Variants in KCNB2 observed in about 807,000 individuals in gnomAD.
The protein encoded by KCNB2 is delayed rectifier potassium channel protein.
A neutral mutation model predicts 61.5 loss-of-function variants in KCNB2; 15 were observed. The observed-to-expected ratio is 0.24, with a 90% CI of 0.16 to 0.38. The LOEUF (loss-of-function observed/expected upper bound fraction) is 0.38, where lower values mean the gene tolerates loss of function less well. KCNB2 is among the 10% of genes least tolerant of loss of function. The pLI is 1.00. For missense variants in KCNB2, 828 were observed against 1,125.2 expected, an observed-to-expected ratio of 0.74 and a Z score of 3.78; for synonymous variants, 457 against 446.0, an observed-to-expected ratio of 1.02 and a Z score of -0.31.
At chr8:72,754,298 C>G (rs1468251347) in intron 2 of KCNB2, among the ~76,000 whole-genome samples, 1 of 152,154 alleles carries the variant, frequency 6.6e-6, no homozygotes, top group Non-Finnish European at 1.5e-5. Flanking sequence ...TGAGTATGGA[C>G]AGAGAGAATG....
rs79719773 is a variant in KCNB2, at chr8:72,577,624, G to T, written c.579+9311G>T. Among the ~76,000 whole-genome samples the T allele has an allele frequency of 4.9e-3, 743 of 152,230 alleles. 5 individuals are homozygous for T. The highest frequency in any genetic ancestry group is 0.017 in the African/African-American group (709 of 41,524). ...TTGTTTCAGGATGCTAGAGGTCATT[G>T]CCACCCTAGATTTCACGCTTTAACT... On this transcript the variant is annotated intron_variant, in intron 2 of 2. Coordinates refer to ENST00000523207, the MANE Select transcript of KCNB2 (RefSeq NM_004770.3).
At chr8:72,921,194 T>C (rs2129008227) in intron 2 of KCNB2, among the ~76,000 whole-genome samples, 1 of 152,306 alleles carries the variant, frequency 6.6e-6, no homozygotes, top group East Asian at 1.9e-4. Context: ...GGAATATGGC[T>C]TAGTATACAC....
intron 2 of KCNB2, among the ~76,000 whole-genome samples, chr8:72,682,797 G>A (rs918830296): frequency 6.6e-6 from 1 of 151,952 alleles, no homozygotes; most frequent in Non-Finnish European, 1.5e-5. Flanking sequence ...GTAGAGATGG[G>A]GGTCTCACTA....
chr8:72,896,937 C>T (rs1247574841), intron 2 of KCNB2, among the ~76,000 whole-genome samples: 1 of 152,036 alleles, frequency 6.6e-6, no homozygotes, highest in Non-Finnish European at 1.5e-5. Context: ...TTTTGAATTG[C>T]TTTTTGTTGT....
chr8:72,627,700 G>A (rs1805811392), intron 2 of KCNB2, among the ~76,000 whole-genome samples: 1 of 152,104 alleles, frequency 6.6e-6, no homozygotes, highest in Non-Finnish European at 1.5e-5. Flanking sequence ...CATGTGCTTT[G>A]AGCCGCACCC....
At chr8:72,884,377 G>A (rs990749933) in intron 2 of KCNB2, among the ~76,000 whole-genome samples, 10 of 152,094 alleles carry the variant, frequency 6.6e-5, no homozygotes, top group African/African-American at 2.4e-4. Flanking sequence ...TTAGCCGGGG[G>A]AGGGGAGTGG....
chr8:72,890,710 G>T (rs893973852), intron 2 of KCNB2, among the ~76,000 whole-genome samples: 1 of 152,212 alleles, frequency 6.6e-6, no homozygotes, highest in African/African-American at 2.4e-5. Flanking sequence ...GCTCAGAGAA[G>T]TCAGGTAGTA....
At position 72,938,161 on chromosome 8, in the gene KCNB2, A is replaced by G; in HGVS notation, c.*70A>G. On this transcript the variant is annotated 3_prime_UTR_variant, in exon 3 of 3. Transcript: ENST00000523207. ...AACTTGTTTCTTAAAAATGCGGTTA[A>G]TAATGCCTGTGAACTAAAAAAATGG... is the stretch of plus-strand genomic sequence containing the variant. The G allele has an allele frequency of 7.7e-7, 1 of 1,294,606 alleles. No homozygotes were observed. Among genetic ancestry groups the G allele is most frequent in the Admixed American group, 2.2e-5 (1 of 44,758 alleles). 80.2% of individuals were successfully genotyped at this position (1,294,606 alleles called of 1,614,324 possible). A position where few individuals can be genotyped will look rare whatever the true frequency, so the allele number is the denominator to read the frequency against.
At chr8:72,539,006 G>A (rs149987912) in intron 1 of KCNB2, among the ~76,000 whole-genome samples, 64 of 151,974 alleles carry the variant, frequency 4.2e-4, no homozygotes, top group African/African-American at 1.5e-3. Flanking sequence ...TGTAAAAGAG[G>A]GTAACATTCT....
chr8:72,545,090 A>G (rs1563518711), intron 1 of KCNB2, among the ~76,000 whole-genome samples: 1 of 152,184 alleles, frequency 6.6e-6, no homozygotes, highest in Admixed American at 6.5e-5. Flanking sequence ...GGCTACAGAT[A>G]GGAAAACCTC....
chr8:72,685,079 G>C (rs1310319180), intron 2 of KCNB2, among the ~76,000 whole-genome samples: 1 of 152,144 alleles, frequency 6.6e-6, no homozygotes, highest in Non-Finnish European at 1.5e-5. Flanking sequence ...CTTCATTGCT[G>C]TTCTAAAGCA....
chr8:72,909,682 C>G (rs6982467), intron 2 of KCNB2, among the ~76,000 whole-genome samples: 5,350 of 152,058 alleles, frequency 0.035, 281 homozygotes, highest in African/African-American at 0.12. Flanking sequence ...GTCCCACACT[C>G]AGGTAGTGGC....
intron 2 of KCNB2, among the ~76,000 whole-genome samples, chr8:72,710,082 T>A (rs889632655): frequency 6.6e-6 from 1 of 152,158 alleles, no homozygotes; most frequent in African/African-American, 2.4e-5. Flanking sequence ...CCACTCCCCA[T>A]CATCCATCAA....
chr8:72,780,564 A>T (rs1283458362), intron 2 of KCNB2, among the ~76,000 whole-genome samples: 1 of 152,136 alleles, frequency 6.6e-6, no homozygotes, highest in Non-Finnish European at 1.5e-5. Context: ...TTTCTTAATG[A>T]TTAATATTGT....
At chr8:72,545,296 T>C (rs1386524990) in intron 1 of KCNB2, among the ~76,000 whole-genome samples, 3 of 152,200 alleles carry the variant, frequency 2.0e-5, no homozygotes, top group Non-Finnish European at 4.4e-5. Context: ...TTTGTTTTAT[T>C]GTGCTTAACA....
At position 72,663,199 on chromosome 8, in the gene KCNB2, C is replaced by T. The variant is rs2250105; in HGVS notation, c.579+94886C>T. Among the ~76,000 whole-genome samples the T allele has an allele frequency of 5.3e-5, 8 of 152,084 alleles. No homozygotes were observed. The South Asian group carries it at 1.2e-3, about 24-fold the overall frequency. ...TTTTAGAGGTTCTATAACCTGTCTA[C>T]GGTTTGCACAACTAGTAGACACTTG... On this transcript the variant is annotated intron_variant, in intron 2 of 2. Coordinates refer to ENST00000523207, the MANE Select transcript of KCNB2 (RefSeq NM_004770.3).
chr8:72,717,135 A>T (rs1303095327), intron 2 of KCNB2, among the ~76,000 whole-genome samples: 1 of 152,222 alleles, frequency 6.6e-6, no homozygotes, highest in East Asian at 1.9e-4. Flanking sequence ...AAGGAGAACT[A>T]CAAATCACAA....
intron 2 of KCNB2, among the ~76,000 whole-genome samples, chr8:72,776,387 AC>A (rs1808653211): frequency 6.6e-6 from 1 of 152,178 alleles, no homozygotes; most frequent in Non-Finnish European, 1.5e-5. Flanking sequence ...GTACCCTAGA[AC>A]TTAAAGTATA....
At chr8:72,538,895 C>G (rs1413944303) in intron 1 of KCNB2, among the ~76,000 whole-genome samples, 1 of 152,066 alleles carries the variant, frequency 6.6e-6, no homozygotes, top group Non-Finnish European at 1.5e-5. Context: ...TACCAATAAA[C>G]AGCAATCAAT....
Sources: allele counts gnomAD v4.1 joint callset (sites outside exome capture counted in the v4.1 genomes callset), GRCh38; gene constraint gnomAD v4.1.1; transcripts MANE v1.5; gene names NCBI Gene and HGNC (gene_info 2026-07-23, HGNC 2026-07-21).